Variants in ASIC2 observed in about 807,000 individuals in gnomAD.
The protein encoded by ASIC2 is acid-sensing ion channel 2.
A neutral mutation model predicts 57.3 loss-of-function variants in ASIC2; 25 were observed. That is an observed-to-expected ratio of 0.44 (90% CI 0.32 to 0.61). The LOEUF (loss-of-function observed/expected upper bound fraction) is 0.61. Ranked by LOEUF, ASIC2 falls within the 20% of genes least tolerant of loss-of-function variation. The pLI is 0.06. For missense variants in ASIC2, 641 were observed against 738.1 expected, an observed-to-expected ratio of 0.87 and a Z score of 1.52; for synonymous variants, 319 against 307.5, an observed-to-expected ratio of 1.04 and a Z score of -0.39.
intron 1 of ASIC2, among the ~76,000 whole-genome samples, chr17:33,395,305 G>A (rs72821157): frequency 0.11 from 16,183 of 152,112 alleles, 1,044 homozygotes; most frequent in East Asian, 0.22. Flanking sequence ...ACAAAAGAAA[G>A]AGGTTTAATT....
At chr17:33,722,009 A>G (rs928789446) in intron 1 of ASIC2, among the ~76,000 whole-genome samples, 1 of 152,222 alleles carries the variant, frequency 6.6e-6, no homozygotes, top group Non-Finnish European at 1.5e-5. Context: ...CAAAGAACTC[A>G]TATTCAGAAT....
At chr17:33,371,588 T>A (rs1909063097) in intron 1 of ASIC2, among the ~76,000 whole-genome samples, 1 of 152,222 alleles carries the variant, frequency 6.6e-6, no homozygotes, top group Non-Finnish European at 1.5e-5. Context: ...CTTATTCACT[T>A]TCCCTTCACC....
At chr17:33,246,201 A>G (rs1056676325) in intron 1 of ASIC2, among the ~76,000 whole-genome samples, 1 of 151,664 alleles carries the variant, frequency 6.6e-6, no homozygotes, top group African/African-American at 2.4e-5. Context: ...GAGTTGGCCT[A>G]ATTGGCTGGG....
chr17:33,413,944 T>A (rs1196922564), intron 1 of ASIC2, among the ~76,000 whole-genome samples: 1 of 152,216 alleles, frequency 6.6e-6, no homozygotes, highest in East Asian at 1.9e-4. Flanking sequence ...TTTTATCTTA[T>A]CTTGGTTTTA....
intron 1 of ASIC2, among the ~76,000 whole-genome samples, chr17:33,419,436 G>C (rs17185036): frequency 0.011 from 1,695 of 152,358 alleles, 18 homozygotes; most frequent in South Asian, 0.023. Flanking sequence ...ATTTCTGGGA[G>C]TTTCTGGAAC....
At chr17:33,980,090 A>C (rs979196602) in intron 1 of ASIC2, among the ~76,000 whole-genome samples, 18 of 152,176 alleles carry the variant, frequency 1.2e-4, no homozygotes, top group African/African-American at 4.1e-4. Flanking sequence ...CTTCAAGCCA[A>C]GTCAGATAAT....
chr17:33,737,796 T>A (rs948106946), intron 1 of ASIC2, among the ~76,000 whole-genome samples: 1 of 152,168 alleles, frequency 6.6e-6, no homozygotes, highest in Non-Finnish European at 1.5e-5. Flanking sequence ...ACAGTTTACT[T>A]TGAATATGCA....
At chr17:33,037,807 AG>A (rs944261021) in intron 3 of ASIC2, among the ~76,000 whole-genome samples, 2 of 152,184 alleles carry the variant, frequency 1.3e-5, no homozygotes, top group African/African-American at 4.8e-5. Context: ...GCTCAACATA[AG>A]GAAGAACTTT....
At chr17:33,135,643 G>A (rs2092364317) in intron 1 of ASIC2, among the ~76,000 whole-genome samples, 1 of 152,200 alleles carries the variant, frequency 6.6e-6, no homozygotes, top group South Asian at 2.1e-4. Flanking sequence ...CTCCGACACT[G>A]ACTTCCTCAT....
At chr17:33,815,717 G>A (rs1912558703) in intron 1 of ASIC2, among the ~76,000 whole-genome samples, 1 of 152,090 alleles carries the variant, frequency 6.6e-6, no homozygotes, top group African/African-American at 2.4e-5. Context: ...ATTTGTCTTT[G>A]TTTACTCGCT....
At chr17:33,856,432 A>T (rs1485633374) in intron 1 of ASIC2, among the ~76,000 whole-genome samples, 1 of 98,480 alleles carries the variant, frequency 1.0e-5, no homozygotes, top group African/African-American at 3.7e-5. Flanking sequence ...AGTACTAGTA[A>T]TGAGGGTGGT....
At chr17:33,625,865 A>T (rs899469194) in intron 1 of ASIC2, among the ~76,000 whole-genome samples, 2 of 152,196 alleles carry the variant, frequency 1.3e-5, no homozygotes, top group African/African-American at 4.8e-5. Context: ...CTGAAAGATG[A>T]AAGAGATTTG....
intron 1 of ASIC2, among the ~76,000 whole-genome samples, chr17:33,234,979 C>T (rs529255837): frequency 3.3e-5 from 5 of 152,330 alleles, no homozygotes; most frequent in East Asian, 3.9e-4. Flanking sequence ...CACAAAACTG[C>T]GGCTGCATCC....
chr17:33,424,021 A>G (rs1291103256), intron 1 of ASIC2, among the ~76,000 whole-genome samples: 1 of 152,156 alleles, frequency 6.6e-6, no homozygotes, highest in Non-Finnish European at 1.5e-5. Flanking sequence ...ATTCAGTTTG[A>G]TGCTGCTGGT....
chr17:34,156,361 C>T lies in ASIC2; in HGVS notation c.172G>A (p.Val58Met), dbSNP rs531032515. 26 of 1,614,214 alleles carry T rather than the reference C, an allele frequency of 1.6e-5. 1 individual carries two copies. In the South Asian group the frequency reaches 2.3e-4, roughly 14 times the overall value. Residue 58 changes from valine (V) to methionine (M), a missense_variant, in exon 1 of 10, where the codon GTG (valine) becomes ATG (methionine). Val to Met is a conservative substitution (Grantham distance 21, BLOSUM62 1). Transcript: ENST00000359872. The surrounding 1 kb of genome is among the most constrained non-coding windows in gnomAD (Gnocchi z 4.4). Reference sequence around the variant, plus strand: ...TAGGACACCCTCTCAGAGCTCTCCACCAGCAGCAGGCCCAGAGAGCCCACG... The same window carrying T: ...TAGGACACCCTCTCAGAGCTCTCCATCAGCAGCAGGCCCAGAGAGCCCACG...
intron 1 of ASIC2, chr17:34,039,223 A>AT: frequency 1.9e-6 from 3 of 1,613,742 alleles, no homozygotes; most frequent in South Asian, 2.2e-5. Context: ...TAGTGCAGAT[A>AT]TTTTTTCTAT....
At chr17:34,151,122 A>T (rs12453768) in intron 1 of ASIC2, among the ~76,000 whole-genome samples, 26,760 of 125,690 alleles carry the variant, frequency 0.21, 3,020 homozygotes, top group East Asian at 0.38. Flanking sequence ...AAAAAAAAAA[A>T]AAATAAAGAG....
chr17:33,897,331 C>T (rs1214944326), intron 1 of ASIC2, among the ~76,000 whole-genome samples: 2 of 152,144 alleles, frequency 1.3e-5, no homozygotes, highest in Non-Finnish European at 2.9e-5. Context: ...CAAAGCCTCT[C>T]TCTCCTTCCC....
intron 1 of ASIC2, among the ~76,000 whole-genome samples, chr17:33,561,315 C>T (rs1055253027): frequency 6.6e-6 from 1 of 152,270 alleles, no homozygotes; most frequent in South Asian, 2.1e-4. Flanking sequence ...CTTGGCTTGA[C>T]ATGCTTGGGT....
Sources: gnomAD v4.1 joint callset for allele counts (sites outside exome capture counted in the v4.1 genomes callset) on GRCh38, gnomAD v4.1.1 for gene constraint, Gnocchi (gnomAD v3.1) non-coding constraint, MANE v1.5 for transcripts, NCBI Gene and HGNC (gene_info 2026-07-23, HGNC 2026-07-21) for gene names.